KCNC2: variants seen among roughly 807,000 people sequenced by gnomAD.
KCNC2 encodes the protein voltage-gated potassium channel KCNC2.
A neutral mutation model predicts 44.5 loss-of-function variants in KCNC2; 21 were observed. The observed-to-expected ratio is 0.47, with a 90% CI of 0.33 to 0.68. The LOEUF (loss-of-function observed/expected upper bound fraction) is 0.68. Ranked by LOEUF, KCNC2 falls within the 30% of genes least tolerant of loss-of-function variation. The pLI, the probability that KCNC2 is intolerant of heterozygous loss-of-function variation, is 0.01. For synonymous variants in KCNC2, 391 were observed against 339.1 expected (o/e 1.15, Z -1.68); for missense variants, 589 against 826.2 (o/e 0.71, Z 3.52).
chr12:75,200,274 C>A (rs2031129853), intron 2 of KCNC2, among the ~76,000 whole-genome samples: 1 of 151,766 alleles, frequency 6.6e-6, no homozygotes, highest in Non-Finnish European at 1.5e-5. Context: ...TAAATACTAG[C>A]CCTGCCATTG....
chr12:75,059,946 T>C (rs1882141610), intron 2 of KCNC2, among the ~76,000 whole-genome samples: 1 of 152,142 alleles, frequency 6.6e-6, no homozygotes, highest in Non-Finnish European at 1.5e-5. Context: ...ACAGCATCAA[T>C]GATAACCCAA....
intron 2 of KCNC2, among the ~76,000 whole-genome samples, chr12:75,167,466 T>C (rs1044899228): frequency 5.9e-5 from 9 of 151,342 alleles, no homozygotes; most frequent in Non-Finnish European, 1.2e-4. Flanking sequence ...AATTACAAGG[T>C]AGGAATCACT....
chr12:75,041,096 A>G lies in KCNC2; in HGVS notation c.*2009T>C, dbSNP rs200282154. On this transcript the variant is annotated 3_prime_UTR_variant, in exon 5 of 5. Coordinates refer to ENST00000549446, the MANE Select transcript of KCNC2 (RefSeq NM_139137.4). ...TCTCTTCCAAGTGCAACCTGGTCAC[A>G]TCAGGGCACATTCAGCAGCAGAAGT... is the stretch of plus-strand genomic sequence containing the variant. 1 of 1,595,908 alleles carries G rather than the reference A, an allele frequency of 6.3e-7. No individual in the cohort carries two copies. Among genetic ancestry groups the G allele is most frequent in the Non-Finnish European group, 8.5e-7 (1 of 1,178,068 alleles).
intron 4 of KCNC2, among the ~76,000 whole-genome samples, chr12:75,045,005 G>A (rs1435027015): frequency 6.6e-6 from 1 of 151,938 alleles, no homozygotes; most frequent in African/African-American, 2.4e-5. Context: ...CAGAGGGTTA[G>A]TTATTACTGC....
At chr12:75,070,606 TGA>T (rs1325654155) in intron 2 of KCNC2, among the ~76,000 whole-genome samples, 3 of 152,030 alleles carry the variant, frequency 2.0e-5, no homozygotes, top group African/African-American at 7.2e-5. Flanking sequence ...ATTCTTAGGT[TGA>T]GATAAAAACA....
Position 75,050,979 on chromosome 12 carries a change from A to G in KCNC2, c.1026T>C (p.Asp342=). Residue 342 remains aspartate (D), a synonymous_variant, in exon 3 of 5, where the codon GAT becomes GAC. Transcript: ENST00000549446. ...TTACCACCCTGAGGAAGCCAAGCAC[A>G]TCTTTAGCAGCTTTGGATGACAGCC... ...LSGLSSKAAK[D]VLGFLRVVRF... 6.2e-7 allele frequency: 1 copy of G among 1,613,868 alleles called. No homozygotes were observed. Among genetic ancestry groups the G allele is most frequent in the Non-Finnish European group, 8.5e-7 (1 of 1,179,880 alleles).
intron 2 of KCNC2, among the ~76,000 whole-genome samples, chr12:75,052,364 C>T (rs1364530992): frequency 1.3e-5 from 2 of 152,070 alleles, no homozygotes; most frequent in African/African-American, 4.8e-5. Flanking sequence ...ATGCAGAATA[C>T]AAATGTGTTG....
intron 2 of KCNC2, among the ~76,000 whole-genome samples, chr12:75,152,442 C>T (rs1890468887): frequency 6.6e-6 from 1 of 151,774 alleles, no homozygotes; most frequent in African/African-American, 2.4e-5. Flanking sequence ...ACATACAATT[C>T]CATGTGTATA....
intron 2 of KCNC2, among the ~76,000 whole-genome samples, chr12:75,151,929 T>TTATATATTATACATTTATATATAA (rs1890425142): frequency 6.8e-6 from 1 of 146,624 alleles, no homozygotes; most frequent in African/African-American, 2.5e-5. Flanking sequence ...ATATAATATA[T>TTATATATTATACATTTATATATAA]TATATATTAT....
chr12:75,142,100 T>C (rs1242411206), intron 2 of KCNC2, among the ~76,000 whole-genome samples: 2 of 152,168 alleles, frequency 1.3e-5, no homozygotes, highest in East Asian at 3.9e-4. Context: ...TAAATAAACT[T>C]CCTGTACAAC....
Position 75,048,717 on chromosome 12 carries a change from C to T in KCNC2, c.1616-400G>A, listed in dbSNP as rs191487031. The stretch of plus-strand genomic sequence containing the variant: ...TATTTAAGAAAATATCTTAAGTAAA[C>T]TTTGGCTTTGTGGTTTTTTAAGAGA... On this transcript the variant is annotated intron_variant, in intron 3 of 4. Transcript: ENST00000549446. 4.6e-5 allele frequency among the ~76,000 whole-genome samples: 7 copies of T among 152,168 alleles called. No homozygotes were observed. The East Asian group carries it at 1.2e-3, about 25-fold the overall frequency.
chr12:75,053,895 T>C (rs1881456064), intron 2 of KCNC2, among the ~76,000 whole-genome samples: 1 of 151,172 alleles, frequency 6.6e-6, no homozygotes, highest in African/African-American at 2.4e-5. Flanking sequence ...AAGACAACAT[T>C]CATCTCAGAG....
Position 75,134,678 on chromosome 12 carries a change from C to T in KCNC2, c.687+72619G>A, listed in dbSNP as rs573958290. Reference sequence around the variant, plus strand: ...CTGCAAGCCTCTAAGATAAAAAATGCTTTTAAAATAGTCTTCAGTCTTTCT... The same window carrying T: ...CTGCAAGCCTCTAAGATAAAAAATGTTTTTAAAATAGTCTTCAGTCTTTCT... On this transcript the variant is annotated intron_variant, in intron 2 of 4. Transcript: ENST00000549446. Among the ~76,000 whole-genome samples the T allele has an allele frequency of 5.3e-5, 8 of 151,724 alleles. No homozygotes were observed. The South Asian group carries it at 1.0e-3, about 20-fold the overall frequency.
At chr12:75,125,593 A>G (rs995056646) in intron 2 of KCNC2, among the ~76,000 whole-genome samples, 1 of 152,192 alleles carries the variant, frequency 6.6e-6, no homozygotes, top group African/African-American at 2.4e-5. Flanking sequence ...CTACTTCACA[A>G]AGTGATCATT....
At position 75,070,600 on chromosome 12, in the gene KCNC2, T is replaced by C. The variant is rs528172640; in HGVS notation, c.688-19283A>G. Among the ~76,000 whole-genome samples the C allele has an allele frequency of 2.0e-4, 31 of 152,238 alleles. 2 individuals are homozygous for C. In the East Asian group the frequency reaches 6.0e-3, roughly 29 times the overall value. On this transcript the variant is annotated intron_variant, in intron 2 of 4. Transcript: ENST00000549446. ...CTGCATTGCCATTTCATCTCCATTC[T>C]TAGGTTGAGATAAAAACAGAACTTT...
chr12:75,115,144 T>TGA (rs140171575), intron 2 of KCNC2, among the ~76,000 whole-genome samples: 17,172 of 152,150 alleles, frequency 0.11, 1,317 homozygotes, highest in Non-Finnish European at 0.17. Flanking sequence ...ATTACAAGCG[T>TGA]GAGCCACCGC....
chr12:75,170,674 T>G (rs1055878142), intron 2 of KCNC2, among the ~76,000 whole-genome samples: 2 of 151,816 alleles, frequency 1.3e-5, no homozygotes, highest in East Asian at 3.9e-4. Context: ...AATTTCTTTC[T>G]TTAATATGCC....
At chr12:75,068,146 A>C (rs553336013) in intron 2 of KCNC2, among the ~76,000 whole-genome samples, 1 of 152,338 alleles carries the variant, frequency 6.6e-6, no homozygotes, top group East Asian at 1.9e-4. Context: ...AAGCAGGAGC[A>C]TGCTGCTTGT....
intron 2 of KCNC2, among the ~76,000 whole-genome samples, chr12:75,107,717 A>G (rs1273291155): frequency 6.6e-6 from 1 of 152,210 alleles, no homozygotes; most frequent in East Asian, 1.9e-4. Flanking sequence ...AACTGAAAAA[A>G]AAATCAATGT....
Sources: allele counts gnomAD v4.1 joint callset (sites outside exome capture counted in the v4.1 genomes callset), GRCh38; gene constraint gnomAD v4.1.1; transcripts MANE v1.5; gene names NCBI Gene and HGNC (gene_info 2026-07-23, HGNC 2026-07-21).